ST7L: variants seen among roughly 807,000 people sequenced by gnomAD.
ST7L encodes the protein suppressor of tumorigenicity 7 protein-like.
Under a neutral mutation model 72.5 loss-of-function variants are expected in ST7L, and 57 were observed. The ratio of observed to expected loss-of-function variants is 0.79; its 90% confidence interval spans 0.64 to 0.98. ST7L has a LOEUF of 0.98. ST7L is among the 50% of genes least tolerant of loss of function. The pLI is 0.00. For synonymous variants in ST7L, 221 were observed against 240.9 expected (o/e 0.92, Z 0.77); for missense variants, 576 against 672.2 (o/e 0.86, Z 1.58).
At chr1:112,604,660 G>A (rs2102077898) in intron 3 of ST7L, among the ~76,000 whole-genome samples, 1 of 151,738 alleles carries the variant, frequency 6.6e-6, no homozygotes, top group East Asian at 1.9e-4. Flanking sequence ...AGGCACAATG[G>A]CATTCCTGTA....
intron 3 of ST7L, among the ~76,000 whole-genome samples, chr1:112,610,201 T>C (rs1466944829): frequency 1.3e-5 from 2 of 152,110 alleles, no homozygotes; most frequent in Admixed American, 6.5e-5. Context: ...TAGAGGGAAG[T>C]AGTGACCTTA....
chr1:112,534,910 T>C (rs1018648963), intron 14 of ST7L, among the ~76,000 whole-genome samples: 1 of 152,050 alleles, frequency 6.6e-6, no homozygotes, highest in African/African-American at 2.4e-5. Flanking sequence ...GCAATGAGAT[T>C]TTCACTTTGA....
chr1:112,533,014 C>T (rs897767495), intron 14 of ST7L, among the ~76,000 whole-genome samples: 1 of 152,188 alleles, frequency 6.6e-6, no homozygotes, highest in African/African-American at 2.4e-5. Flanking sequence ...CAATCCTTCA[C>T]AAACTTGCCC....
At chr1:112,564,171 A>G (rs537811447) in intron 11 of ST7L, among the ~76,000 whole-genome samples, 19 of 152,338 alleles carry the variant, frequency 1.2e-4, no homozygotes, top group African/African-American at 4.3e-4. Flanking sequence ...AAGAAAACAT[A>G]ATACTACCTA....
chr1:112,573,348 CAAAAAAAAA>C (rs35107656), intron 11 of ST7L, among the ~76,000 whole-genome samples: 1 of 69,664 alleles, frequency 1.4e-5, no homozygotes, highest in African/African-American at 5.8e-5. Flanking sequence ...AACTCCCTCT[CAAAAAAAAA>C]AAAAAAAAAA....
downstream of ST7L, chr1:112,520,424 C>T (rs1438427787): frequency 1.2e-6 from 2 of 1,614,060 alleles, no homozygotes; most frequent in Non-Finnish European, 1.7e-6. Context: ...TGGTGCTGTG[C>T]TGTACGGTGC....
intron 11 of ST7L, among the ~76,000 whole-genome samples, chr1:112,558,442 T>C (rs558668614): frequency 6.6e-6 from 1 of 152,364 alleles, no homozygotes; most frequent in East Asian, 1.9e-4. Context: ...TTAATCAATA[T>C]ACATGTACTC....
rs1223462123 is a variant in ST7L at position 112,574,346 on chromosome 1, A to C, written c.1245+2640T>G. 4.0e-5 allele frequency among the ~76,000 whole-genome samples: 6 copies of C among 150,666 alleles called. No homozygotes were observed. The East Asian group carries it at 1.2e-3, about 30-fold the overall frequency. On this transcript the variant is annotated intron_variant, in intron 11 of 14. Transcript: ENST00000358039. ...ATTCTCCTGCCTCAGCCTCTCGAAT[A>C]GCTGAAGAGTCTGTCTTAAAAAGAA...
At chr1:112,537,912 G>A (rs2101323864) in intron 14 of ST7L, among the ~76,000 whole-genome samples, 1 of 152,330 alleles carries the variant, frequency 6.6e-6, no homozygotes, top group East Asian at 1.9e-4. Context: ...AGCCATTCTA[G>A]TTCATTCCCT....
At chr1:112,614,666 G>A (rs1482305696) in intron 2 of ST7L, among the ~76,000 whole-genome samples, 1 of 152,050 alleles carries the variant, frequency 6.6e-6, no homozygotes, top group East Asian at 1.9e-4. Flanking sequence ...AAAAGAACAG[G>A]CTGGGCATGG....
intron 11 of ST7L, among the ~76,000 whole-genome samples, chr1:112,570,570 T>TATATATATATATATATATAC (rs1183877129): frequency 2.8e-5 from 4 of 143,412 alleles, no homozygotes; most frequent in African/African-American, 1.0e-4. Flanking sequence ...TATATATATA[T>TATATATATATATATATATAC]ACACACACAC....
intron 5 of ST7L, among the ~76,000 whole-genome samples, chr1:112,592,674 G>C (rs139048951): frequency 1.3e-5 from 2 of 152,108 alleles, no homozygotes; most frequent in African/African-American, 4.8e-5. Flanking sequence ...GATATTTACA[G>C]GTCAAATTTT....
chr1:112,597,109 T>C (rs986034560), intron 5 of ST7L, among the ~76,000 whole-genome samples: 7 of 152,206 alleles, frequency 4.6e-5, no homozygotes, highest in African/African-American at 1.7e-4. Context: ...AATAAATGTT[T>C]GTGGCTGAAT....
At chr1:112,545,396 A>T (rs1020163689) in intron 13 of ST7L, among the ~76,000 whole-genome samples, 1 of 152,202 alleles carries the variant, frequency 6.6e-6, no homozygotes, top group African/African-American at 2.4e-5. Flanking sequence ...TAATTTACAA[A>T]GGAGGGCATT....
intron 7 of ST7L, 56 bp from the exon 8 acceptor site, chr1:112,582,528 A>G: frequency 1.9e-6 from 2 of 1,027,044 alleles, no homozygotes; most frequent in African/African-American, 1.6e-5. Context: ...GTGGGCTGCT[A>G]TTTCATTAAC....
At chr1:112,534,269 C>T (rs1156748034) in intron 14 of ST7L, among the ~76,000 whole-genome samples, 1 of 152,136 alleles carries the variant, frequency 6.6e-6, no homozygotes, top group Non-Finnish European at 1.5e-5. Flanking sequence ...TTCTTTTGTA[C>T]TCATTTCAGT....
intron 6 of ST7L, 138 bp downstream of exon 6, chr1:112,591,387 T>C (rs1665699079): frequency 1.5e-6 from 1 of 671,966 alleles, no homozygotes; most frequent in Admixed American, 3.5e-5. Context: ...CACTGAAAAT[T>C]TTATTAAATA....
Position 112,525,749 on chromosome 1 carries a change from T to TA in ST7L, c.*263dup, listed in dbSNP as rs1253944237. Reference sequence around the variant, plus strand: ...TTGACTTCAACCCCAACAGCCCCTGTAAGTAGCCCTGGCCAAACAGAAAGG... The same window carrying TA: ...TTGACTTCAACCCCAACAGCCCCTGTAAAGTAGCCCTGGCCAAACAGAAAGG... On this transcript the variant is annotated 3_prime_UTR_variant, in exon 15 of 15. Transcript: ENST00000358039. The TA allele has an allele frequency of 1.2e-5, 4 of 345,272 alleles. No homozygotes were observed. The East Asian group carries it at 2.1e-4, about 18-fold the overall frequency. 21.4% of individuals were successfully genotyped at this position (345,272 alleles called of 1,614,324 possible).
intron 8 of ST7L, 38 bp from the exon 9 acceptor site, chr1:112,582,144 CA>C (rs754199962): frequency 2.8e-6 from 4 of 1,443,282 alleles, no homozygotes; most frequent in Non-Finnish European, 2.9e-6. Context: ...AAAATCATAA[CA>C]AAGGAACTCA....
Sources: allele counts gnomAD v4.1 joint callset (sites outside exome capture counted in the v4.1 genomes callset), GRCh38; gene constraint gnomAD v4.1.1; transcripts MANE v1.5; gene names NCBI Gene and HGNC (gene_info 2026-07-23, HGNC 2026-07-21).